ALPK2: variants seen among roughly 807,000 people sequenced by gnomAD.
ALPK2 encodes alpha-protein kinase 2.
ALPK2 carries 127 observed loss-of-function variants against 163.1 expected under a neutral mutation model. The ratio of observed to expected loss-of-function variants is 0.78; its 90% CI spans 0.67 to 0.90. The LOEUF (loss-of-function observed/expected upper bound fraction) is 0.90, where lower values mean the gene tolerates loss of function less well. Ranked by LOEUF, ALPK2 falls within the 40% of genes least tolerant of loss-of-function variation. ALPK2 has a pLI of 0.00. For missense variants in ALPK2, 2,360 were observed against 2,589.6 expected (o/e 0.91, Z 1.92); for synonymous variants, 953 against 959.1 (o/e 0.99, Z 0.12).
In ALPK2 at chr18:58,481,886, A is replaced by G. The variant is rs1226485591; in HGVS notation, c.6450T>C (p.Val2150=). ...TCTTTATTGTCATAGAGTTTGTTTG[A>G]ACTTTGCTTTTCCCAATGCTCGGCT... ...QKQPSIGKSK[V]QTNSMTIKKA... Residue 2150 remains valine, a synonymous_variant, in exon 13 of 13, where the codon GTT becomes GTC. Coordinates refer to ENST00000361673, the MANE Select transcript of ALPK2 (RefSeq NM_052947.4). 6.2e-7 allele frequency: 1 copy of G among 1,614,064 alleles called. No individual in the cohort carries two copies. The highest frequency in any genetic ancestry group is 1.1e-5 in the South Asian group (1 of 91,056).
intron 12 of ALPK2, among the ~76,000 whole-genome samples, chr18:58,493,951 A>G (rs959065070): frequency 1.3e-5 from 2 of 152,178 alleles, no homozygotes; most frequent in African/African-American, 4.8e-5. Context: ...AGGGGAGACT[A>G]CAAAGGGCAA....
At chr18:58,617,383 C>T (rs2144238187) in intron 1 of ALPK2, among the ~76,000 whole-genome samples, 1 of 152,186 alleles carries the variant, frequency 6.6e-6, no homozygotes, top group East Asian at 1.9e-4. Flanking sequence ...GACGGGGTTT[C>T]ACCATGTTGG....
At chr18:58,624,078 A>G (rs2052216272) in intron 1 of ALPK2, among the ~76,000 whole-genome samples, 1 of 151,926 alleles carries the variant, frequency 6.6e-6, no homozygotes, top group African/African-American at 2.4e-5. Flanking sequence ...GCGATTCCTC[A>G]CCCTTCCTGC....
chr18:58,527,514 C>T (rs990928666), intron 6 of ALPK2, among the ~76,000 whole-genome samples: 12 of 152,042 alleles, frequency 7.9e-5, no homozygotes, highest in Non-Finnish European at 1.8e-4. Flanking sequence ...TTAGGTTTAT[C>T]GTAAATACAC....
chr18:58,610,959 T>C (rs917884897), intron 2 of ALPK2, among the ~76,000 whole-genome samples: 2 of 151,830 alleles, frequency 1.3e-5, no homozygotes, highest in Non-Finnish European at 2.9e-5. Context: ...CCGGGTGTAG[T>C]GGCGGGTGCC....
chr18:58,524,384 G>C (rs59207205), intron 6 of ALPK2, among the ~76,000 whole-genome samples: 1 of 152,302 alleles, frequency 6.6e-6, no homozygotes, highest in African/African-American at 2.4e-5. Flanking sequence ...TGACTAATCC[G>C]GGTGTCCTGT....
At chr18:58,565,096 TTTCTAA>T (rs2051844714) in intron 4 of ALPK2, among the ~76,000 whole-genome samples, 1 of 152,228 alleles carries the variant, frequency 6.6e-6, no homozygotes, top group Non-Finnish European at 1.5e-5. Context: ...TCAGTGTACC[TTTCTAA>T]TTCTATGTTG....
chr18:58,542,772 A>G (rs1366379801), intron 4 of ALPK2, among the ~76,000 whole-genome samples: 1 of 152,158 alleles, frequency 6.6e-6, no homozygotes, highest in Non-Finnish European at 1.5e-5. Context: ...CCTCCCTTCC[A>G]AGTGCAGGCC....
rs373181989 is a variant in ALPK2, at chr18:58,615,006, G to A, written c.-20-3189C>T. Among the ~76,000 whole-genome samples, 4 of 146,908 alleles carry A rather than the reference G, an allele frequency of 2.7e-5. No homozygotes were observed. In the East Asian group the frequency reaches 6.2e-4, roughly 23 times the overall value. On this transcript the variant is annotated intron_variant, in intron 1 of 12. Coordinates refer to ENST00000361673, the MANE Select transcript of ALPK2 (RefSeq NM_052947.4). ...ATTTTTTTTTTTTTTGTAGGGACAG[G>A]GTCTCACTACATTGCCCAGGCTGGT... is the stretch of plus-strand genomic sequence containing the variant.
At chr18:58,574,223 T>C (rs1000970138) in intron 4 of ALPK2, among the ~76,000 whole-genome samples, 3 of 150,278 alleles carry the variant, frequency 2.0e-5, no homozygotes, top group African/African-American at 7.4e-5. Flanking sequence ...GCGGGGCGGA[T>C]CACAAGGTCA....
intron 2 of ALPK2, 90 bp downstream of exon 2, chr18:58,611,599 A>C: frequency 8.7e-7 from 1 of 1,155,424 alleles, no homozygotes; most frequent in Non-Finnish European, 1.3e-6. Flanking sequence ...TAATTTTCCC[A>C]AATGATGTTT....
At chr18:58,528,404 T>TACCA (rs1568075103) in intron 6 of ALPK2, among the ~76,000 whole-genome samples, 1 of 151,978 alleles carries the variant, frequency 6.6e-6, no homozygotes, top group Admixed American at 6.6e-5. Context: ...AGCATGGTGG[T>TACCA]GTGCTCCAGT....
At chr18:58,516,064 T>G (rs1192883138) in intron 9 of ALPK2, among the ~76,000 whole-genome samples, 1 of 146,372 alleles carries the variant, frequency 6.8e-6, no homozygotes, top group Non-Finnish European at 1.5e-5. Context: ...AAAAAAAAAA[T>G]AAAAATTAGT....
chr18:58,578,733 GACACACACACACACACACAC>G (rs71173065), intron 4 of ALPK2, 61 bp downstream of exon 4: 1 of 530,150 alleles, frequency 1.9e-6, no homozygotes, highest in East Asian at 4.1e-5. Flanking sequence ...TAAAGGAAGA[GACACACACACACACACACAC>G]ACACACACAC....
rs2051664101 is a variant in ALPK2, at chr18:58,537,998, G to C, written c.2189C>G (p.Pro730Arg). 2 of 1,614,074 alleles carry C rather than the reference G, an allele frequency of 1.2e-6. No individual in the cohort carries two copies. ...TTTTAGGTCTTCCCTGAAATTGTCA[G>C]GTATGTTGCCATCTCTGTCTTGTTT... ...EEKQDRDGNI[P>R]DNFREDLKYE... is the part of the protein sequence containing the mutation. The change falls in exon 5 of 13, where the codon CCT (proline) becomes CGT (arginine). Residue 730 changes from proline to arginine, a missense_variant. Physicochemically the swap from Pro to Arg is moderately radical, Grantham distance 103 (BLOSUM62 -2). Coordinates refer to ENST00000361673, the MANE Select transcript of ALPK2 (RefSeq NM_052947.4).
chr18:58,545,844 C>T (rs1041554875), intron 4 of ALPK2, among the ~76,000 whole-genome samples: 1 of 152,154 alleles, frequency 6.6e-6, no homozygotes, highest in East Asian at 1.9e-4. Context: ...AGACCTTCCC[C>T]TCTCTCCAGC....
chr18:58,620,966 G>C (rs2052195624), intron 1 of ALPK2, among the ~76,000 whole-genome samples: 1 of 152,034 alleles, frequency 6.6e-6, no homozygotes, highest in Admixed American at 6.6e-5. Flanking sequence ...GATCCACCTG[G>C]GCAACATGCT....
chr18:58,488,826 C>T (rs1000784792), intron 12 of ALPK2, among the ~76,000 whole-genome samples: 5 of 151,992 alleles, frequency 3.3e-5, no homozygotes, highest in African/African-American at 7.3e-5. Context: ...GACTTAGGCT[C>T]CGGTAGAACG....
At chr18:58,617,569 T>C (rs1337146834) in intron 1 of ALPK2, among the ~76,000 whole-genome samples, 1 of 152,204 alleles carries the variant, frequency 6.6e-6, no homozygotes, top group Non-Finnish European at 1.5e-5. Context: ...AAAATACATA[T>C]AAAGGTAAAG....
Sources: allele counts gnomAD v4.1 joint callset (sites outside exome capture counted in the v4.1 genomes callset), GRCh38; gene constraint gnomAD v4.1.1; transcripts MANE v1.5; gene names NCBI Gene and HGNC (gene_info 2026-07-23, HGNC 2026-07-21).